Variants in SLC16A6 observed in about 807,000 individuals in gnomAD.
SLC16A6 encodes the protein solute carrier family 16 member 6.
In SLC16A6, 15 loss-of-function variants were observed where a neutral mutation model predicts 33.8. The ratio of observed to expected loss-of-function variants is 0.44; its 90% CI spans 0.30 to 0.68. The LOEUF (loss-of-function observed/expected upper bound fraction) is 0.68, where lower values mean the gene tolerates loss of function less well. Among genes scored for constraint, SLC16A6 ranks in the 30% least tolerant of loss-of-function variants. The probability of loss-of-function intolerance (pLI) is 0.10; values close to 1 mark genes in which losing one functional copy is unlikely to be tolerated. For missense variants in SLC16A6, 451 were observed against 661.5 expected, an observed-to-expected ratio of 0.68 and a Z score of 3.49; for synonymous variants, 219 against 248.4, an observed-to-expected ratio of 0.88 and a Z score of 1.11.
At chr17:68,290,098 G>A (rs1304204402) in intron 1 of SLC16A6, among the ~76,000 whole-genome samples, 1 of 152,176 alleles carries the variant, frequency 6.6e-6, no homozygotes, top group South Asian at 2.1e-4. Context: ...AAAACAATCA[G>A]ATCACTGAGA....
chr17:68,289,995 T>G (rs2075933202), intron 1 of SLC16A6, among the ~76,000 whole-genome samples: 1 of 152,224 alleles, frequency 6.6e-6, no homozygotes, highest in Non-Finnish European at 1.5e-5. Context: ...ATAACGGTGC[T>G]TGGGACATGG....
At chr17:68,286,921 A>G (rs572999275) in intron 1 of SLC16A6, among the ~76,000 whole-genome samples, 1 of 152,334 alleles carries the variant, frequency 6.6e-6, no homozygotes, top group Admixed American at 6.5e-5. Flanking sequence ...ACATGGGTGT[A>G]AAGTAGCTAG....
Position 68,268,286 on chromosome 17 carries a change from T to A in SLC16A6, c.*810A>T. 6.6e-6 allele frequency: 1 copy of A among 152,578 alleles called. No individual in the cohort carries two copies. The highest frequency in any genetic ancestry group is 1.9e-4 in the East Asian group (1 of 5,206). 9.5% of individuals were successfully genotyped at this position (152,578 alleles called of 1,614,324 possible). A position where few individuals can be genotyped will look rare whatever the true frequency, so the allele number is the denominator to read the frequency against. On this transcript the variant is annotated 3_prime_UTR_variant, in exon 6 of 6. Transcript: ENST00000580666. The stretch of plus-strand genomic sequence containing the variant: ...AAATAGCGGTTTAAATTAAAGACAC[T>A]ACAGTCACATATTTCTGTATAACTA...
chr17:68,276,830 G>A (rs1335669017), intron 2 of SLC16A6, among the ~76,000 whole-genome samples: 2 of 152,144 alleles, frequency 1.3e-5, no homozygotes, highest in African/African-American at 2.4e-5. Context: ...ACAGACCAAT[G>A]AACTCATGAG....
chr17:68,273,798 A>T, intron 3 of SLC16A6, 129 bp downstream of exon 3: 1 of 1,130,696 alleles, frequency 8.8e-7, no homozygotes, highest in Non-Finnish European at 1.3e-6. Context: ...TACTGATCTG[A>T]GACACTGTTA....
At chr17:68,283,117 AC>A (rs1166720964) in intron 1 of SLC16A6, 1 of 151,926 alleles carries the variant, frequency 6.6e-6, no homozygotes, top group East Asian at 1.9e-4. Flanking sequence ...ACAGAGCAAG[AC>A]CCTGTCTAAA....
upstream of SLC16A6, chr17:68,291,435 C>A (rs1160503244): frequency 1.3e-5 from 2 of 150,934 alleles, no homozygotes; most frequent in Non-Finnish European, 3.0e-5. Flanking sequence ...CGCGCCGCCG[C>A]CGACCATGTG....
intron 2 of SLC16A6, among the ~76,000 whole-genome samples, chr17:68,275,776 T>TA (rs1310392908): frequency 1.3e-5 from 2 of 152,092 alleles, no homozygotes; most frequent in East Asian, 2.0e-4. Context: ...GTTCAGGAGT[T>TA]AGAGACTAGC....
chr17:68,279,278 G>A (rs940673124), intron 1 of SLC16A6, among the ~76,000 whole-genome samples: 7 of 151,816 alleles, frequency 4.6e-5, no homozygotes, highest in African/African-American at 1.5e-4. Context: ...TACCATAAGC[G>A]TCTCTGCTTG....
At chr17:68,278,630 T>C (rs1300759409) in intron 1 of SLC16A6, among the ~76,000 whole-genome samples, 4 of 148,234 alleles carry the variant, frequency 2.7e-5, no homozygotes, top group African/African-American at 9.9e-5. Context: ...TTTTTTTTTT[T>C]TTTTTTTGAG....
rs781954926 is a variant in SLC16A6, at chr17:68,271,515, G to C, written c.645C>G (p.Ile215Met). 23 of 1,614,030 alleles carry C rather than the reference G, an allele frequency of 1.4e-5. No homozygotes were observed. The highest frequency in any genetic ancestry group is 1.8e-5 in the Non-Finnish European group (21 of 1,180,028). Reference sequence around the variant, plus strand: ...ACTGCGCTTCTTTCCGATTTTCCTGGATGACTATTTTCGGTGACGCTGGTC... The same window carrying C: ...ACTGCGCTTCTTTCCGATTTTCCTGCATGACTATTTTCGGTGACGCTGGTC... ...IRGPASPKIV[I>M]QENRKEAQYM... Residue 215 changes from isoleucine to methionine, a missense_variant, in exon 5 of 6, where the codon ATC becomes ATG. Ile to Met is a conservative substitution (Grantham distance 10, BLOSUM62 1). Transcript: ENST00000580666. This position sits in a 1 kb window ranked among gnomAD's most constrained non-coding sequence, Gnocchi z 5.3.
intron 1 of SLC16A6, among the ~76,000 whole-genome samples, chr17:68,284,698 T>C (rs781840036): frequency 2.6e-5 from 4 of 152,348 alleles, no homozygotes; most frequent in Middle Eastern, 3.4e-3. Context: ...CTTAGTATCA[T>C]TCATCCTACT....
In SLC16A6 at chr17:68,267,874, C is replaced by T. The variant is rs1323645393; in HGVS notation, c.*1222G>A. 6.6e-6 allele frequency: 1 copy of T among 152,216 alleles called. No individual in the cohort carries two copies. Among genetic ancestry groups the T allele is most frequent in the Non-Finnish European group, 1.5e-5 (1 of 68,040 alleles). The allele number at this position is 152,216 out of a possible 1,614,324, so 9.4% of individuals were successfully genotyped here. ...AATTGCAACTTGTAACTCGCTATAA[C>T]ATAATTGTCTCTGTTACCCCCATGT... On this transcript the variant is annotated 3_prime_UTR_variant, in exon 6 of 6. Transcript: ENST00000580666.
chr17:68,273,364 A>G (rs2075405599), intron 3 of SLC16A6, among the ~76,000 whole-genome samples: 1 of 152,086 alleles, frequency 6.6e-6, no homozygotes, highest in Non-Finnish European at 1.5e-5. Context: ...CTGGGACCAC[A>G]GGCACGCACC....
chr17:68,271,388 C>G lies in SLC16A6; in HGVS notation c.772G>C (p.Glu258Gln), dbSNP rs782759567. Residue 258 changes from glutamate (E) to glutamine (Q), a missense_variant, in exon 5 of 6, where the codon GAA becomes CAA. By Grantham distance (29) the Glu-to-Gln change is conservative. Transcript: ENST00000580666. This position sits in a 1 kb window ranked among gnomAD's most constrained non-coding sequence, Gnocchi z 5.3. Reference protein sequence around the residue: ...PKNVPTHTNLELEPKADMQQV... With the variant: ...PKNVPTHTNLQLEPKADMQQV... ...TGCATGTCGGCCTTCGGCTCCAGTT[C>G]CAGGTTAGTGTGAGTAGGCACATTT... The G allele has an allele frequency of 6.2e-7, 1 of 1,614,106 alleles. No homozygotes were observed. Among genetic ancestry groups the G allele is most frequent in the Non-Finnish European group, 8.5e-7 (1 of 1,180,058 alleles).
chr17:68,270,136 C>T lies in SLC16A6; in HGVS notation c.1321+703G>A, dbSNP rs1555747990. 1.3e-5 allele frequency among the ~76,000 whole-genome samples: 2 copies of T among 152,140 alleles called. 1 individual carries two copies. Among genetic ancestry groups the T allele is most frequent in the African/African-American group, 4.8e-5 (2 of 41,414 alleles). On this transcript the variant is annotated intron_variant, in intron 5 of 5. Transcript: ENST00000580666. ...GAGTGCTGCTATCCATTCCCAAATACCTTTCCTAAGAAAGGAAGATGACTT... is the reference window on the plus strand; with the variant it reads ...GAGTGCTGCTATCCATTCCCAAATATCTTTCCTAAGAAAGGAAGATGACTT...
intron 1 of SLC16A6, 116 bp from the exon 2 acceptor site, chr17:68,278,443 A>ATATT (rs533229022): frequency 4.8e-4 from 308 of 638,148 alleles, no homozygotes; most frequent in African/African-American, 1.8e-3. Flanking sequence ...AAGTTGTTGA[A>ATATT]TATTTATTTA....
At chr17:68,285,142 CA>C (rs1252699132) in intron 1 of SLC16A6, among the ~76,000 whole-genome samples, 1 of 152,204 alleles carries the variant, frequency 6.6e-6, no homozygotes, top group Non-Finnish European at 1.5e-5. Context: ...GATTCAACCA[CA>C]TCTTGCCAGA....
chr17:68,277,095 T>A (rs1442443153), intron 2 of SLC16A6, among the ~76,000 whole-genome samples: 1 of 152,148 alleles, frequency 6.6e-6, no homozygotes, highest in Non-Finnish European at 1.5e-5. Context: ...ATGTTTCCAC[T>A]TGGAATTATG....
Sources: allele counts gnomAD v4.1 joint callset (sites outside exome capture counted in the v4.1 genomes callset), GRCh38; gene constraint gnomAD v4.1.1; non-coding constraint Gnocchi (gnomAD v3.1); transcripts MANE v1.5; gene names NCBI Gene and HGNC (gene_info 2026-07-23, HGNC 2026-07-21).